The following SPHKAP variants were observed in gnomAD, a reference collection of about 807,000 sequenced individuals.
SPHKAP encodes SPHK1 interactor, AKAP domain containing, also known as A-kinase anchor protein SPHKAP.
A neutral mutation model predicts 137.5 loss-of-function variants in SPHKAP; 67 were observed. The observed-to-expected ratio is 0.49, with a 90% confidence interval of 0.40 to 0.60. The LOEUF (loss-of-function observed/expected upper bound fraction) is 0.60, where lower values mean the gene tolerates loss of function less well. SPHKAP is among the 20% of genes least tolerant of loss of function. The probability of loss-of-function intolerance (pLI) is 0.00; values close to 1 mark genes in which losing one functional copy is unlikely to be tolerated. For missense variants in SPHKAP, 2,097 were observed against 2,069.3 expected, an observed-to-expected ratio of 1.01 and a Z score of -0.26; for synonymous variants, 813 against 785.3, an observed-to-expected ratio of 1.04 and a Z score of -0.59.
intron 3 of SPHKAP, among the ~76,000 whole-genome samples, chr2:228,092,452 GTATACATA>G (rs1697815125): frequency 1.5e-3 from 34 of 22,686 alleles, no homozygotes; most frequent in Admixed American, 0.013. Flanking sequence ...CCATATATAT[GTATACATA>G]TATGTGCCAT....
intron 3 of SPHKAP, among the ~76,000 whole-genome samples, chr2:228,063,291 GT>G (rs1449181617): frequency 6.6e-6 from 1 of 151,874 alleles, no homozygotes; most frequent in African/African-American, 2.4e-5. Context: ...TGTTTTTGGT[GT>G]TGATGTCAAC....
chr2:228,140,414 C>A (rs1175797775), intron 1 of SPHKAP, among the ~76,000 whole-genome samples: 1 of 152,048 alleles, frequency 6.6e-6, no homozygotes, highest in Non-Finnish European at 1.5e-5. Context: ...TCCATCAAAC[C>A]ACTTGGGCAG....
chr2:228,019,963 C>A lies in SPHKAP; in HGVS notation c.891G>T (p.Gln297His). The change falls in exon 7 of 12, where the codon CAG becomes CAT. Residue 297 changes from glutamine to histidine, a missense_variant. Transcript: ENST00000392056. ...PENLTKNTALQSLDPSAKPSQ... is the reference protein window; with the variant it reads ...PENLTKNTALHSLDPSAKPSQ... The stretch of plus-strand genomic sequence containing the variant: ...ATGGCTTGGCTGAGGGATCTAGACT[C>A]TGCAAGGCTGTGTTCTTTGTTAGGT... 1 of 1,614,222 alleles carries A rather than the reference C, an allele frequency of 6.2e-7. No homozygotes were observed. The highest frequency in any genetic ancestry group is 1.3e-5 in the African/African-American group (1 of 75,058).
intron 3 of SPHKAP, among the ~76,000 whole-genome samples, chr2:228,078,124 T>C (rs1431851277): frequency 1.3e-5 from 2 of 152,166 alleles, no homozygotes; most frequent in African/African-American, 4.8e-5. Flanking sequence ...TAAACCCTTT[T>C]TCCTACATAA....
Position 228,017,812 on chromosome 2 carries a change from T to C in SPHKAP, c.3042A>G (p.Lys1014=), listed in dbSNP as rs1282870433. The C allele has an allele frequency of 6.2e-7, 1 of 1,614,154 alleles. No individual in the cohort carries two copies. ...CCACAACCCTGTTCATCAGCTTTTC[T>C]TTAAGCTCAGGGTGCTCGTCCGTCT... ...KRKTDEHPEL[K]EKLMNRVVDE... The change falls in exon 7 of 12, where the codon AAA becomes AAG. Residue 1014 remains lysine, a synonymous_variant. Transcript: ENST00000392056.
chr2:228,179,945 C>A (rs986612183), intron 1 of SPHKAP, among the ~76,000 whole-genome samples: 5 of 152,168 alleles, frequency 3.3e-5, no homozygotes, highest in African/African-American at 1.2e-4. Flanking sequence ...TTATTAGGAC[C>A]ACCCAATTCA....
chr2:228,059,072 T>TC (rs1419159607), intron 3 of SPHKAP, among the ~76,000 whole-genome samples: 1 of 152,222 alleles, frequency 6.6e-6, no homozygotes, highest in African/African-American at 2.4e-5. Context: ...CTGGGTTCTT[T>TC]CACCCAGAAA....
rs139642555 is a variant in SPHKAP at position 228,173,824 on chromosome 2, G to GT, written c.32+7742dup. 1.6e-3 allele frequency among the ~76,000 whole-genome samples: 236 copies of GT among 152,208 alleles called. 2 individuals carry two copies. The East Asian group carries it at 0.03, about 19-fold the overall frequency. On this transcript the variant is annotated intron_variant, in intron 1 of 11. Coordinates refer to ENST00000392056, the MANE Select transcript of SPHKAP (RefSeq NM_001142644.2). ...TAGAAAAGCAATACGATGCCTTTATGTTTTTTGAACTAACTTGTACTTCAA... is the reference window on the plus strand; with the variant it reads ...TAGAAAAGCAATACGATGCCTTTATGTTTTTTTGAACTAACTTGTACTTCAA...
chr2:228,053,092 G>A (rs1479676741), intron 3 of SPHKAP, among the ~76,000 whole-genome samples: 1 of 152,120 alleles, frequency 6.6e-6, no homozygotes, highest in Admixed American at 6.5e-5. Flanking sequence ...TCCTGCTGAA[G>A]GCTCTCTTTC....
At chr2:228,025,287 C>G in intron 5 of SPHKAP, 107 bp downstream of exon 5, 1 of 1,178,844 alleles carries the variant, frequency 8.5e-7, no homozygotes, top group Non-Finnish European at 1.1e-6. Flanking sequence ...CACTTTGATT[C>G]CTATGTTACA....
intron 1 of SPHKAP, among the ~76,000 whole-genome samples, chr2:228,158,717 A>G (rs1024296379): frequency 6.6e-6 from 1 of 152,162 alleles, no homozygotes; most frequent in Non-Finnish European, 1.5e-5. Context: ...AGATTTGAAT[A>G]CCCAATGGCA....
chr2:228,173,085 G>A, intron 1 of SPHKAP: 1 of 985,290 alleles, frequency 1.0e-6, no homozygotes, highest in South Asian at 4.7e-5. Context: ...TTATGTTCTT[G>A]AATAATCTTT....
chr2:228,173,153 G>A (rs932603390), intron 1 of SPHKAP, among the ~76,000 whole-genome samples: 1 of 152,154 alleles, frequency 6.6e-6, no homozygotes, highest in Non-Finnish European at 1.5e-5. Flanking sequence ...GGAACAAATA[G>A]CCTTGTCCCT....
intron 1 of SPHKAP, among the ~76,000 whole-genome samples, chr2:228,140,703 G>C (rs1699579788): frequency 6.6e-6 from 1 of 151,982 alleles, no homozygotes; most frequent in African/African-American, 2.4e-5. Flanking sequence ...ATCATGGGGG[G>C]GTGGATTTCT....
At chr2:228,049,055 A>G (rs1055296953) in intron 3 of SPHKAP, among the ~76,000 whole-genome samples, 3 of 152,072 alleles carry the variant, frequency 2.0e-5, no homozygotes, top group African/African-American at 7.2e-5. Context: ...CTCTGCTCCT[A>G]TTGATTGTGT....
intron 1 of SPHKAP, among the ~76,000 whole-genome samples, chr2:228,160,498 CA>C (rs1289884665): frequency 6.6e-6 from 1 of 152,100 alleles, no homozygotes; most frequent in Non-Finnish European, 1.5e-5. Context: ...AAGCATCGAG[CA>C]AAGAGGGAAA....
rs760900632 is a variant in SPHKAP at position 228,018,807 on chromosome 2, C to A, written c.2047G>T (p.Val683Phe). Residue 683 changes from valine to phenylalanine, a missense_variant, in exon 7 of 12, where the codon GTT becomes TTT. Physicochemically the swap from Val to Phe is conservative, Grantham distance 50. Coordinates refer to ENST00000392056, the MANE Select transcript of SPHKAP (RefSeq NM_001142644.2). The stretch of plus-strand genomic sequence containing the variant: ...TCGATTATCATATTTTTGTGGTGAA[C>A]TTCATCAATGGAATGCCTCAGGATA... ...NVILRHSIDE[V>F]HHKNMIIDPN... The A allele has an allele frequency of 6.2e-7, 1 of 1,614,174 alleles. No homozygotes were observed. Among genetic ancestry groups the A allele is most frequent in the Non-Finnish European group, 8.5e-7 (1 of 1,180,036 alleles).
At chr2:228,061,440 G>A (rs974074999) in intron 3 of SPHKAP, among the ~76,000 whole-genome samples, 5 of 151,550 alleles carry the variant, frequency 3.3e-5, no homozygotes, top group Admixed American at 3.3e-4. Flanking sequence ...AGCTAATTTT[G>A]TATGTATTTT....
Position 228,017,511 on chromosome 2 carries a change from A to G in SPHKAP, c.3343T>C (p.Ser1115Pro). Residue 1115 changes from serine (S) to proline (P), a missense_variant, in exon 7 of 12, where the codon TCT becomes CCT. Ser to Pro is a moderately conservative substitution (Grantham distance 74). Coordinates refer to ENST00000392056, the MANE Select transcript of SPHKAP (RefSeq NM_001142644.2). Reference protein sequence around the residue: ...TLSQPVSRASSVSKQSSCESI... With the variant: ...TLSQPVSRASPVSKQSSCESI... ...TCACAGCTCGACTGCTTGGAGACAG[A>G]GCTGGCCCTGCTGACCGGCTGGCTC... 6.2e-7 allele frequency: 1 copy of G among 1,613,430 alleles called. No individual in the cohort carries two copies. Among genetic ancestry groups the G allele is most frequent in the Non-Finnish European group, 8.5e-7 (1 of 1,179,816 alleles).
Sources: gnomAD v4.1 joint callset for allele counts (sites outside exome capture counted in the v4.1 genomes callset) on GRCh38, gnomAD v4.1.1 for gene constraint, MANE v1.5 for transcripts, NCBI Gene and HGNC (gene_info 2026-07-23, HGNC 2026-07-21) for gene names.